Variants in CHRNB3 observed in about 807,000 individuals in gnomAD.
CHRNB3 encodes the protein cholinergic receptor nicotinic beta 3 subunit, also known as neuronal acetylcholine receptor subunit beta-3.
CHRNB3 carries 37 observed loss-of-function variants against 40.6 expected under a neutral mutation model. The observed-to-expected ratio is 0.91, with a 90% CI of 0.70 to 1.20. The LOEUF (loss-of-function observed/expected upper bound fraction) is 1.20, where lower values mean the gene tolerates loss of function less well. CHRNB3 is among the 50% of genes most tolerant of loss of function. The pLI is 0.00. For synonymous variants in CHRNB3, 207 were observed against 207.1 expected (o/e 1.00, Z 0.00); for missense variants, 505 against 551.2 (o/e 0.92, Z 0.84).
chr8:42,713,609 A>C (rs1056356727), intron 3 of CHRNB3, among the ~76,000 whole-genome samples: 2 of 152,192 alleles, frequency 1.3e-5, no homozygotes, highest in African/African-American at 4.8e-5. Context: ...CTAGGCTTCT[A>C]GTGTATCTAA....
At chr8:42,735,867 T>G (rs1056278850) in intron 5 of CHRNB3, among the ~76,000 whole-genome samples, 8 of 152,144 alleles carry the variant, frequency 5.3e-5, no homozygotes, top group African/African-American at 1.9e-4. Context: ...CCACAAAAAC[T>G]CTTAAATTAT....
intron 1 of CHRNB3, among the ~76,000 whole-genome samples, chr8:42,698,992 T>C (rs1003551798): frequency 6.6e-6 from 1 of 152,228 alleles, no homozygotes; most frequent in Non-Finnish European, 1.5e-5. Flanking sequence ...GAAGATTGTG[T>C]AATCTTTCAC....
intron 1 of CHRNB3, 58 bp from the exon 2 acceptor site, chr8:42,708,659 C>T: frequency 6.3e-7 from 1 of 1,576,434 alleles, no homozygotes; most frequent in Non-Finnish European, 8.6e-7. Context: ...CCATGGGACA[C>T]TCATCCAGGC....
At chr8:42,712,019 A>G (rs1269032805) in intron 3 of CHRNB3, among the ~76,000 whole-genome samples, 1 of 150,988 alleles carries the variant, frequency 6.6e-6, no homozygotes, top group African/African-American at 2.4e-5. Context: ...TTGAGACCGA[A>G]TCTCACTCTG....
Position 42,736,574 on chromosome 8 carries a change from A to C in CHRNB3, c.1333A>C (p.Ile445Leu). Residue 445 changes from isoleucine to leucine, a missense_variant, in exon 6 of 6, where the codon ATT becomes CTT. By Grantham distance (5) the Ile-to-Leu change is conservative. Transcript: ENST00000289957. Reference sequence around the variant, plus strand: ...AGTGTCAGTAACAGGCTCGGTTCTGATTTTTACCCCTGCTTTGAAGATGTG... The same window carrying C: ...AGTGTCAGTAACAGGCTCGGTTCTGCTTTTTACCCCTGCTTTGAAGATGTG... ...LIVSVTGSVL[I>L]FTPALKMWLH... is the part of the protein sequence containing the mutation. 2 of 1,614,018 alleles carry C rather than the reference A, an allele frequency of 1.2e-6. No homozygotes were observed. The highest frequency in any genetic ancestry group is 1.7e-6 in the Non-Finnish European group (2 of 1,180,004).
intron 3 of CHRNB3, among the ~76,000 whole-genome samples, chr8:42,717,282 G>C: frequency 7.4e-6 from 1 of 135,324 alleles, no homozygotes; most frequent in Non-Finnish European, 1.6e-5. Context: ...GCTGAGGCAG[G>C]AGAATGGCGT....
intron 1 of CHRNB3, among the ~76,000 whole-genome samples, chr8:42,708,204 C>A (rs1288838341): frequency 6.6e-6 from 1 of 152,156 alleles, no homozygotes; most frequent in Non-Finnish European, 1.5e-5. Flanking sequence ...TGGTGGCTCA[C>A]GCCTGTAATC....
chr8:42,732,502 A>G lies in CHRNB3; in HGVS notation c.1195A>G (p.Ile399Val), dbSNP rs772874296. 5.6e-6 allele frequency: 9 copies of G among 1,609,334 alleles called. No individual in the cohort carries two copies. The highest frequency in any genetic ancestry group is 5.6e-5 in the South Asian group (5 of 89,812). ...VAFLEKAADS[I>V]RYISRHVKKE... ...TTTTTTGGAAAAAGCTGCTGATTCCATTAGATACATTTCGAGACATGTGAA... is the reference window on the plus strand; with the variant it reads ...TTTTTTGGAAAAAGCTGCTGATTCCGTTAGATACATTTCGAGACATGTGAA... The change falls in exon 5 of 6, where the codon ATT becomes GTT. Residue 399 changes from isoleucine (I) to valine (V), a missense_variant. Physicochemically the swap from Ile to Val is conservative, Grantham distance 29 (BLOSUM62 3). Transcript: ENST00000289957.
chr8:42,731,653 T>G lies in CHRNB3; in HGVS notation c.360-14T>G. ...GCTCCACCGACTGCTAAGGTGAAAC[T>G]GCTTTGATTGCAGTGCTGACGGCCG... On this transcript the variant is annotated splice_polypyrimidine_tract_variant and intron_variant, in intron 4 of 5. Transcript: ENST00000289957. 1 of 1,578,968 alleles carries G rather than the reference T, an allele frequency of 6.3e-7. No homozygotes were observed. Among genetic ancestry groups the G allele is most frequent in the African/African-American group, 1.4e-5 (1 of 73,588 alleles).
In CHRNB3 at chr8:42,736,823, C is replaced by A. The variant is rs1361853359; in HGVS notation, c.*205C>A. ...TGAGCTGCTTTTAAAGAAAGTGGAG[C>A]CTCCTCAGACCCCTGCCTTGGCTTT... is the stretch of plus-strand genomic sequence containing the variant. On this transcript the variant is annotated 3_prime_UTR_variant, in exon 6 of 6. Transcript: ENST00000289957. 4 of 618,550 alleles carry A rather than the reference C, an allele frequency of 6.5e-6. No individual in the cohort carries two copies. Among genetic ancestry groups the A allele is most frequent in the Admixed American group, 3.0e-5 (1 of 33,220 alleles). 38.3% of individuals were successfully genotyped at this position (618,550 alleles called of 1,614,324 possible). A position where few individuals can be genotyped will look rare whatever the true frequency, so the allele number is the denominator to read the frequency against.
At chr8:42,733,739 C>T (rs183444627) in intron 5 of CHRNB3, among the ~76,000 whole-genome samples, 3 of 151,172 alleles carry the variant, frequency 2.0e-5, no homozygotes, top group South Asian at 4.2e-4. Flanking sequence ...ACTACAGGTA[C>T]ACACCACCAC....
At chr8:42,699,326 C>T (rs1293917073) in intron 1 of CHRNB3, 2 of 152,138 alleles carry the variant, frequency 1.3e-5, no homozygotes, top group Non-Finnish European at 2.9e-5. Context: ...TTTATCTTCC[C>T]ATCTCTCTTA....
chr8:42,701,871 T>C (rs1815811173), intron 1 of CHRNB3, among the ~76,000 whole-genome samples: 1 of 152,192 alleles, frequency 6.6e-6, no homozygotes, highest in Admixed American at 6.6e-5. Context: ...TGTGGATGTT[T>C]CATAGACACA....
chr8:42,735,952 G>C (rs1000652925), intron 5 of CHRNB3, among the ~76,000 whole-genome samples: 1 of 152,088 alleles, frequency 6.6e-6, no homozygotes, highest in African/African-American at 2.4e-5. Context: ...GATATGCTCT[G>C]TCTCCTGGGT....
intron 3 of CHRNB3, among the ~76,000 whole-genome samples, chr8:42,712,452 C>A (rs189786671): frequency 6.6e-6 from 1 of 152,154 alleles, no homozygotes; most frequent in Non-Finnish European, 1.5e-5. Flanking sequence ...TCCCACCCAA[C>A]AACTTTAGTG....
intron 3 of CHRNB3, among the ~76,000 whole-genome samples, chr8:42,718,006 TA>T (rs1816148527): frequency 6.6e-6 from 1 of 150,702 alleles, no homozygotes; most frequent in African/African-American, 2.5e-5. Context: ...CTAATTTTTG[TA>T]TTTTTAGTAA....
At chr8:42,700,289 A>G (rs1815766668) in intron 1 of CHRNB3, among the ~76,000 whole-genome samples, 1 of 151,044 alleles carries the variant, frequency 6.6e-6, no homozygotes, top group Non-Finnish European at 1.5e-5. Flanking sequence ...TGCTGGGATT[A>G]CAGGTGTGAG....
intron 5 of CHRNB3, among the ~76,000 whole-genome samples, chr8:42,735,356 G>A (rs1341857607): frequency 3.3e-5 from 5 of 152,032 alleles, no homozygotes; most frequent in Non-Finnish European, 5.9e-5. Context: ...TGGCTAACAC[G>A]TTGAAACCCT....
intron 2 of CHRNB3, among the ~76,000 whole-genome samples, chr8:42,709,150 C>G (rs1204660532): frequency 6.6e-6 from 1 of 152,096 alleles, no homozygotes; most frequent in Non-Finnish European, 1.5e-5. Flanking sequence ...TTGCTGAACA[C>G]CCAGGGAGGA....
Sources: allele counts gnomAD v4.1 joint callset (sites outside exome capture counted in the v4.1 genomes callset), GRCh38; gene constraint gnomAD v4.1.1; transcripts MANE v1.5; gene names NCBI Gene and HGNC (gene_info 2026-07-23, HGNC 2026-07-21).